Variants in ALDH16A1 observed in about 807,000 individuals in gnomAD.
ALDH16A1 encodes aldehyde dehydrogenase family 16 member A1.
In ALDH16A1, 88 loss-of-function variants were observed where a neutral mutation model predicts 96.1. The ratio of observed to expected loss-of-function variants is 0.92; its 90% CI spans 0.77 to 1.09. The LOEUF (loss-of-function observed/expected upper bound fraction) is 1.09. ALDH16A1 is among the 50% of genes least tolerant of loss of function. The pLI, the probability that ALDH16A1 is intolerant of heterozygous loss-of-function variation, is 0.00. For synonymous variants in ALDH16A1, 522 were observed against 496.4 expected (o/e 1.05, Z -0.69); for missense variants, 1,250 against 1,112.6 (o/e 1.12, Z -1.76).
intron 1 of ALDH16A1, among the ~76,000 whole-genome samples, chr19:49,456,686 G>A (rs554765515): frequency 4.6e-5 from 7 of 152,120 alleles, no homozygotes; most frequent in East Asian, 1.9e-4. Context: ...TACCATGCCC[G>A]GCCAACAATC....
chr19:49,468,864 G>A lies in ALDH16A1; in HGVS notation c.2125G>A (p.Asp709Asn). The change falls in exon 16 of 17, where the codon GAC (aspartate) becomes AAC (asparagine). Residue 709 changes from aspartate (D) to asparagine (N), a missense_variant and splice_region_variant. Asp to Asn is a conservative substitution (Grantham distance 23). Coordinates refer to ENST00000293350, the MANE Select transcript of ALDH16A1 (RefSeq NM_153329.4). This position sits in a 1 kb window ranked among gnomAD's most constrained non-coding sequence, Gnocchi z 4.4. Reference protein sequence around the residue: ...CPLLALEVCQDMATVFPAGLA... With the variant: ...CPLLALEVCQNMATVFPAGLA... ...ACCTTTCACTCTCTCTATCCCCTAG[G>A]ACATGGCCACCGTGTTCCCAGCAGG... 1 of 1,613,260 alleles carries A rather than the reference G, an allele frequency of 6.2e-7. No homozygotes were observed. Among genetic ancestry groups the A allele is most frequent in the Non-Finnish European group, 8.5e-7 (1 of 1,179,904 alleles).
In ALDH16A1 at chr19:49,460,786, C is replaced by T. The variant is rs772224571; in HGVS notation, c.500-36C>T. ...CCCAGGCTGGACTTAAACACCTAGC[C>T]TCAAGGGATCCTCTTGCCTCATTTT... is the stretch of plus-strand genomic sequence containing the variant. On this transcript the variant is annotated intron_variant, in intron 4 of 16. Coordinates refer to ENST00000293350, the MANE Select transcript of ALDH16A1 (RefSeq NM_153329.4). 9 of 1,589,266 alleles carry T rather than the reference C, an allele frequency of 5.7e-6. No homozygotes were observed. In the East Asian group the frequency reaches 1.8e-4, roughly 32 times the overall value.
chr19:49,465,541 A>G (rs2079190462), intron 12 of ALDH16A1, among the ~76,000 whole-genome samples, 197 bp from the exon 13 acceptor site: 1 of 150,136 alleles, frequency 6.7e-6, no homozygotes, highest in African/African-American at 2.5e-5. Context: ...CCAGAGGCTC[A>G]TGGGAGCTGG....
intron 1 of ALDH16A1, among the ~76,000 whole-genome samples, chr19:49,456,667 G>T (rs1249564667): frequency 1.3e-5 from 2 of 152,182 alleles, no homozygotes; most frequent in Non-Finnish European, 2.9e-5. Flanking sequence ...AGGGATTACA[G>T]ATGTGAGCTA....
chr19:49,457,635 A>G (rs1221735545), intron 1 of ALDH16A1, among the ~76,000 whole-genome samples: 1 of 151,120 alleles, frequency 6.6e-6, no homozygotes, highest in Admixed American at 6.6e-5. Flanking sequence ...TTTGAGACAG[A>G]GCCTTGCTCT....
At position 49,462,753 on chromosome 19, in the gene ALDH16A1, C is replaced by T; in HGVS notation, c.1096C>T (p.Gln366Ter). 1.3e-6 allele frequency: 2 copies of T among 1,575,166 alleles called. No individual in the cohort carries two copies. Among genetic ancestry groups the T allele is most frequent in the Non-Finnish European group, 8.6e-7 (1 of 1,162,204 alleles). Residue 366 changes from glutamine (Q) to a stop codon, truncating the protein, a stop_gained and splice_region_variant, in exon 8 of 17, where the codon CAG (glutamine) becomes TAG (stop). Coordinates refer to ENST00000293350, the MANE Select transcript of ALDH16A1 (RefSeq NM_153329.4). LOFTEE classifies it high-confidence loss of function. ...FVREAQSQGA[Q>*]VFQAGDVPSE... The stretch of plus-strand genomic sequence containing the variant: ...GCGTGAGGCCCAGAGCCAGGGTGCA[C>T]AGGTGAGGCAGGGGGTAGAGACTTG...
chr19:49,457,502 C>A (rs548785343), intron 1 of ALDH16A1, among the ~76,000 whole-genome samples: 167 of 148,778 alleles, frequency 1.1e-3, no homozygotes, highest in African/African-American at 3.8e-3. Flanking sequence ...GAGCAGAGAT[C>A]GCGCCACTGC....
In ALDH16A1 at chr19:49,464,240, G is replaced by A. The variant is rs13346311; in HGVS notation, c.1308G>A (p.Gly436=). Residue 436 remains glycine (G), a synonymous_variant, in exon 10 of 17, where the codon GGG becomes GGA. Coordinates refer to ENST00000293350, the MANE Select transcript of ALDH16A1 (RefSeq NM_153329.4). ...GSASVWSERL[G]QALELGYGLQ... ...CCAGTGTGTGGAGCGAGAGGCTGGG[G>A]CAGGCGCTGGAGCTGGGCTATGGGT... 9,087 of 1,603,118 alleles carry A rather than the reference G, an allele frequency of 5.7e-3. 427 individuals carry two copies. In the African/African-American group the frequency reaches 0.1, roughly 18 times the overall value.
At chr19:49,465,174 C>A (rs2079187818) in intron 12 of ALDH16A1, among the ~76,000 whole-genome samples, 1 of 150,064 alleles carries the variant, frequency 6.7e-6, no homozygotes, top group African/African-American at 2.5e-5. Flanking sequence ...CTACCAGAGG[C>A]TCATGGGAGC....
rs1277456664 is a variant in ALDH16A1, at chr19:49,468,821, G to A, written c.2125-43G>A. 6.3e-7 allele frequency: 1 copy of A among 1,591,168 alleles called. No homozygotes were observed. Among genetic ancestry groups the A allele is most frequent in the African/African-American group, 1.4e-5 (1 of 73,846 alleles). On this transcript the variant is annotated intron_variant, in intron 15 of 16. Coordinates refer to ENST00000293350, the MANE Select transcript of ALDH16A1 (RefSeq NM_153329.4). This position sits in a 1 kb window ranked among gnomAD's most constrained non-coding sequence, Gnocchi z 4.4. The stretch of plus-strand genomic sequence containing the variant: ...CCCCTGAATGCCCACTCCTTGCCCT[G>A]CCCCCACGGCCTCCCCAACCTTTCA...
Position 49,465,752 on chromosome 19 carries a change from A to G in ALDH16A1, c.1583A>G (p.Tyr528Cys). 6.2e-7 allele frequency: 1 copy of G among 1,613,620 alleles called. No individual in the cohort carries two copies. The highest frequency in any genetic ancestry group is 8.5e-7 in the Non-Finnish European group (1 of 1,179,728). The change falls in exon 13 of 17, where the codon TAT (tyrosine) becomes TGT (cysteine). Residue 528 changes from tyrosine to cysteine, a missense_variant. Coordinates refer to ENST00000293350, the MANE Select transcript of ALDH16A1 (RefSeq NM_153329.4). The part of the protein sequence containing the change: ...PEIGPSPAPP[Y>C]GLFVGGRFQA... ...CCCTACTCCAGCCCAGCACCCCCCTATGGGCTCTTCGTTGGGGGCCGTTTC... is the reference window on the plus strand; with the variant it reads ...CCCTACTCCAGCCCAGCACCCCCCTGTGGGCTCTTCGTTGGGGGCCGTTTC...
chr19:49,458,362 G>A, intron 1 of ALDH16A1, 124 bp from the exon 2 acceptor site: 1 of 708,606 alleles, frequency 1.4e-6, no homozygotes, highest in Non-Finnish European at 2.4e-6. Context: ...AAAGCAATAG[G>A]AGGAAAAGAA....
intron 7 of ALDH16A1, among the ~76,000 whole-genome samples, 158 bp downstream of exon 7, chr19:49,462,194 G>A (rs1005192687): frequency 6.7e-6 from 1 of 149,802 alleles, no homozygotes; most frequent in Non-Finnish European, 1.5e-5. Flanking sequence ...GTGCAGCGGC[G>A]CGATTTTGGC....
At chr19:49,453,508 G>A in intron 1 of ALDH16A1, 87 bp downstream of exon 1, 1 of 1,253,800 alleles carries the variant, frequency 8.0e-7, no homozygotes, top group Non-Finnish European at 1.1e-6. Flanking sequence ...CATCCACTGC[G>A]GTAGCTCAGC....
At chr19:49,467,396 CT>C (rs111994857) in intron 14 of ALDH16A1, among the ~76,000 whole-genome samples, 52,944 of 130,838 alleles carry the variant, frequency 0.4, 9,389 homozygotes, top group African/African-American at 0.55. Context: ...TTCTTTCTTT[CT>C]TTTTTTTTTT....
chr19:49,459,812 A>G lies in ALDH16A1; in HGVS notation c.463A>G (p.Thr155Ala). ...CCACTACCATGCAATCCAGGCATCC[A>G]CCCAGGAGGAGGCACTGGCAGGCTG... ...LLHYHAIQAS[T>A]QEEALAGWEP... is the part of the protein sequence containing the mutation. The change falls in exon 4 of 17, where the codon ACC (threonine) becomes GCC (alanine). Residue 155 changes from threonine (T) to alanine (A), a missense_variant. By Grantham distance (58) the Thr-to-Ala change is moderately conservative. Coordinates refer to ENST00000293350, the MANE Select transcript of ALDH16A1 (RefSeq NM_153329.4). This position sits in a 1 kb window ranked among gnomAD's most constrained non-coding sequence, Gnocchi z 4.1. 1 of 1,613,294 alleles carries G rather than the reference A, an allele frequency of 6.2e-7. No homozygotes were observed. Among genetic ancestry groups the G allele is most frequent in the Non-Finnish European group, 8.5e-7 (1 of 1,179,830 alleles).
chr19:49,459,626 C>G lies in ALDH16A1; in HGVS notation c.321-44C>G, dbSNP rs200320746. 4.9e-4 allele frequency: 769 copies of G among 1,567,278 alleles called. 14 individuals are homozygous for G. In the South Asian group the frequency reaches 8.5e-3, roughly 17 times the overall value. On this transcript the variant is annotated intron_variant, in intron 3 of 16. Coordinates refer to ENST00000293350, the MANE Select transcript of ALDH16A1 (RefSeq NM_153329.4). This position sits in a 1 kb window ranked among gnomAD's most constrained non-coding sequence, Gnocchi z 4.1. ...AGGAGCAGCCCAGGACTCTGCAAGG[C>G]TGAGGGCCGTTGGAAAATGAGCACC...
In ALDH16A1 at chr19:49,464,161, G is replaced by A. The variant is rs766273860; in HGVS notation, c.1229G>A (p.Arg410His). 94 of 1,608,502 alleles carry A rather than the reference G, an allele frequency of 5.8e-5. 1 individual carries two copies. Among genetic ancestry groups the A allele is most frequent in the South Asian group, 4.1e-4 (37 of 90,960 alleles). ...PWPVVVASPF[R>H]TAKEALLVAN... is the part of the protein sequence containing the mutation. ...CCTGTGGTCGTGGCCTCCCCCTTCC[G>A]CACAGCCAAGGAGGCACTGTTGGTG... Residue 410 changes from arginine to histidine, a missense_variant, in exon 10 of 17, where the codon CGC (arginine) becomes CAC (histidine). Physicochemically the swap from Arg to His is conservative, Grantham distance 29. Transcript: ENST00000293350.
At chr19:49,463,429 C>T (rs1271669461) in intron 8 of ALDH16A1, among the ~76,000 whole-genome samples, 3 of 5,732 alleles carry the variant, frequency 5.2e-4, no homozygotes, top group Non-Finnish European at 3.3e-4. Flanking sequence ...GGGGCCTGGA[C>T]TCCTGGGTCT....
Sources: gnomAD v4.1 joint callset for allele counts (sites outside exome capture counted in the v4.1 genomes callset) on GRCh38, gnomAD v4.1.1 for gene constraint, Gnocchi (gnomAD v3.1) non-coding constraint, MANE v1.5 for transcripts, NCBI Gene and HGNC (gene_info 2026-07-23, HGNC 2026-07-21) for gene names.